The following NFASC variants were observed in gnomAD, a reference collection of about 807,000 sequenced individuals.
The protein encoded by NFASC is neurofascin homolog.
A neutral mutation model predicts 147.5 loss-of-function variants in NFASC; 43 were observed. The ratio of observed to expected loss-of-function variants is 0.29; its 90% CI spans 0.23 to 0.38. The LOEUF is 0.38. Among genes scored for constraint, NFASC ranks in the 10% least tolerant of loss-of-function variants. The probability of loss-of-function intolerance (pLI) is 1.00; values close to 1 mark genes in which losing one functional copy is unlikely to be tolerated. For missense variants in NFASC, 1,320 were observed against 1,689.0 expected (o/e 0.78, Z 3.83); for synonymous variants, 622 against 665.5 (o/e 0.93, Z 1.01).
rs2096366481 is a variant in NFASC, at chr1:205,016,832, C to T, written c.*293C>T. 2.0e-6 allele frequency: 1 copy of T among 489,388 alleles called. No homozygotes were observed. The highest frequency in any genetic ancestry group is 3.1e-5 in the Admixed American group (1 of 31,876). 30.3% of individuals were successfully genotyped at this position (489,388 alleles called of 1,614,324 possible). Reference sequence around the variant, plus strand: ...TCTCGCAGCCACCCCGAGCGTTCCACCACACTGTCCGCCCTTGGCCTCGGC... The same window carrying T: ...TCTCGCAGCCACCCCGAGCGTTCCATCACACTGTCCGCCCTTGGCCTCGGC... On this transcript the variant is annotated 3_prime_UTR_variant, in exon 30 of 30. Coordinates refer to ENST00000339876, the MANE Select transcript of NFASC (RefSeq NM_001005388.3). The surrounding 1 kb of genome is among the most constrained non-coding windows in gnomAD (Gnocchi z 5.1).
chr1:204,910,449 T>C (rs1201387549), intron 1 of NFASC, among the ~76,000 whole-genome samples: 2 of 152,164 alleles, frequency 1.3e-5, no homozygotes, highest in Non-Finnish European at 2.9e-5. Flanking sequence ...GTTTAATTTT[T>C]TTTTAATTTG....
At chr1:204,840,228 C>T (rs1177229203) in intron 1 of NFASC, among the ~76,000 whole-genome samples, 2 of 152,154 alleles carry the variant, frequency 1.3e-5, no homozygotes, top group South Asian at 4.1e-4. Context: ...GGACAAGGCC[C>T]TACGCATGGG....
Position 205,022,171 on chromosome 1 carries a change from T to C in NFASC, c.*5632T>C, listed in dbSNP as rs1425888873. ...CATTACTCTGTTTCTTTTTCAAAAA[T>C]GAGGCAGATCAGATGCCCCTGAGCT... is the stretch of plus-strand genomic sequence containing the variant. On this transcript the variant is annotated 3_prime_UTR_variant, in exon 30 of 30. Transcript: ENST00000339876. 1 of 152,660 alleles carries C rather than the reference T, an allele frequency of 6.6e-6. No homozygotes were observed. Among genetic ancestry groups the C allele is most frequent in the Non-Finnish European group, 1.5e-5 (1 of 68,042 alleles). 9.5% of individuals were successfully genotyped at this position (152,660 alleles called of 1,614,324 possible). A position where few individuals can be genotyped will look rare whatever the true frequency, so the allele number is the denominator to read the frequency against.
chr1:204,884,785 C>T (rs2080980889), intron 1 of NFASC, among the ~76,000 whole-genome samples: 1 of 152,178 alleles, frequency 6.6e-6, no homozygotes, highest in South Asian at 2.1e-4. Context: ...CCATCACCAT[C>T]ACCACGTGAT....
rs111746748 is a variant in NFASC, at chr1:204,954,602, G to C, written c.412+218G>C. On this transcript the variant is annotated intron_variant, in intron 6 of 29. Coordinates refer to ENST00000339876, the MANE Select transcript of NFASC (RefSeq NM_001005388.3). This position sits in a 1 kb window ranked among gnomAD's most constrained non-coding sequence, Gnocchi z 5.7. The stretch of plus-strand genomic sequence containing the variant: ...CTGCAACAATTTCACTGGCCACTGC[G>C]GGCACAGGAGACGGGAAAGGAGGGG... Among the ~76,000 whole-genome samples the C allele has an allele frequency of 1.3e-5, 2 of 152,154 alleles. No individual in the cohort carries two copies. The highest frequency in any genetic ancestry group is 2.9e-5 in the Non-Finnish European group (2 of 68,032).
At chr1:204,866,552 G>A (rs2077125706) in intron 1 of NFASC, among the ~76,000 whole-genome samples, 1 of 152,162 alleles carries the variant, frequency 6.6e-6, no homozygotes, top group South Asian at 2.1e-4. Flanking sequence ...AGCACCCTGG[G>A]GCTGGAAACT....
chr1:204,958,630 G>T (rs939197339), intron 8 of NFASC, among the ~76,000 whole-genome samples: 1 of 152,168 alleles, frequency 6.6e-6, no homozygotes, highest in Non-Finnish European at 1.5e-5. Context: ...GTACACCATG[G>T]ATTTGTAACA....
Position 205,016,328 on chromosome 1 carries a change from T to G in NFASC, c.3512T>G (p.Leu1171Arg). 6.2e-7 allele frequency: 1 copy of G among 1,613,598 alleles called. No homozygotes were observed. Among genetic ancestry groups the G allele is most frequent in the Non-Finnish European group, 8.5e-7 (1 of 1,179,596 alleles). ...GCCAGTGATGAGGACAACAAGCCCC[T>G]GCAGGGCAGTCAGACATCTCTGGAC... is the stretch of plus-strand genomic sequence containing the variant. ...FDYSDEDNKP[L>R]QGSQTSLDGT... Residue 1171 changes from leucine to arginine, a missense_variant, in exon 30 of 30, where the codon CTG becomes CGG. Around this residue, in one of 3 missense-constraint regions of NFASC, gnomAD observed 167 missense variants for 233.8 expected, o/e 0.71. Transcript: ENST00000339876. This position sits in a 1 kb window ranked among gnomAD's most constrained non-coding sequence, Gnocchi z 5.1.
At chr1:204,978,935 T>C in intron 17 of NFASC, 33 bp from the exon 18 acceptor site, 1 of 1,509,340 alleles carries the variant, frequency 6.6e-7, no homozygotes, top group Non-Finnish European at 9.0e-7. Context: ...CTGCTCTAAC[T>C]CAGGAGGCCT....
intron 2 of NFASC, among the ~76,000 whole-genome samples, chr1:204,941,863 T>C (rs1163241158): frequency 2.0e-5 from 3 of 152,100 alleles, no homozygotes; most frequent in Non-Finnish European, 4.4e-5. Flanking sequence ...GTTCCACTAA[T>C]GAGTAGCCTT....
rs180688753 is a variant in NFASC at position 204,868,690 on chromosome 1, C to T, written c.-200+39908C>T. Among the ~76,000 whole-genome samples, 401 of 152,298 alleles carry T rather than the reference C, an allele frequency of 2.6e-3. 3 individuals carry two copies. The highest frequency in any genetic ancestry group is 4.4e-3 in the Non-Finnish European group (296 of 68,022). On this transcript the variant is annotated intron_variant, in intron 1 of 29. Transcript: ENST00000339876. ...GAGAAAAGCCGCAGGAACTGCAAAG[C>T]GATGGCTTCCAACACTGAGCTGAGC...
intron 20 of NFASC, among the ~76,000 whole-genome samples, chr1:204,980,846 C>G (rs1558351830): frequency 6.6e-6 from 1 of 152,120 alleles, no homozygotes; most frequent in Non-Finnish European, 1.5e-5. Context: ...TTTGTGGGAG[C>G]TGGGGAGAGA....
Position 204,980,404 on chromosome 1 carries a change from G to A in NFASC, c.2211G>A (p.Glu737=). 1 of 1,613,732 alleles carries A rather than the reference G, an allele frequency of 6.2e-7. No homozygotes were observed. The highest frequency in any genetic ancestry group is 1.3e-5 in the African/African-American group (1 of 75,052). The change falls in exon 20 of 30, where the codon GAG becomes GAA. Residue 737 remains glutamate (E), a synonymous_variant. Coordinates refer to ENST00000339876, the MANE Select transcript of NFASC (RefSeq NM_001005388.3). ...CCAATCCTGGTGACGTGAAGGGAGA[G>A]GGGACCAGAAAGAACAACATGGAGA... ...PESNPGDVKG[E]GTRKNNMEIT... is the part of the protein sequence containing the mutation.
At chr1:204,942,886 C>T (rs1039037495) in intron 2 of NFASC, among the ~76,000 whole-genome samples, 1 of 152,178 alleles carries the variant, frequency 6.6e-6, no homozygotes, top group African/African-American at 2.4e-5. Flanking sequence ...CAAGGGAAGT[C>T]CCTTGTCCTA....
chr1:204,883,924 C>G (rs116106223), intron 1 of NFASC, among the ~76,000 whole-genome samples: 1 of 152,182 alleles, frequency 6.6e-6, no homozygotes, highest in Non-Finnish European at 1.5e-5. Context: ...TGACACCTAG[C>G]GTGGTGCTCC....
At chr1:204,831,645 A>G (rs1672255980) in intron 1 of NFASC, among the ~76,000 whole-genome samples, 1 of 151,974 alleles carries the variant, frequency 6.6e-6, no homozygotes, top group Non-Finnish European at 1.5e-5. Context: ...AGAAAAAGAA[A>G]TTCTTAGGAA....
At chr1:204,843,780 C>T (rs925540888) in intron 1 of NFASC, among the ~76,000 whole-genome samples, 1 of 151,898 alleles carries the variant, frequency 6.6e-6, no homozygotes, top group African/African-American at 2.4e-5. Context: ...GATCTCGGCT[C>T]ACCTCACTGC....
rs1354563083 is a variant in NFASC at position 204,952,119 on chromosome 1, G to A, written c.215+3G>A. On this transcript the variant is annotated splice_donor_region_variant and intron_variant, in intron 5 of 29. Coordinates refer to ENST00000339876, the MANE Select transcript of NFASC (RefSeq NM_001005388.3). Reference sequence around the variant, plus strand: ...GCAAAAGGGAACCCTGCCCCCAGGTGAGTGAAGGGGAAAAAGAGTGCATTG... The same window carrying A: ...GCAAAAGGGAACCCTGCCCCCAGGTAAGTGAAGGGGAAAAAGAGTGCATTG... 1.2e-6 allele frequency: 2 copies of A among 1,607,726 alleles called. No individual in the cohort carries two copies. Among genetic ancestry groups the A allele is most frequent in the Non-Finnish European group, 1.7e-6 (2 of 1,174,276 alleles).
intron 2 of NFASC, among the ~76,000 whole-genome samples, chr1:204,937,747 G>A (rs2092988831): frequency 6.6e-6 from 1 of 152,208 alleles, no homozygotes; most frequent in Admixed American, 6.5e-5. Context: ...CAACAAAGCT[G>A]TTAAACATCC....
Sources: allele counts gnomAD v4.1 joint callset (sites outside exome capture counted in the v4.1 genomes callset), GRCh38; gene constraint gnomAD v4.1.1; regional missense constraint gnomAD v4.1.1; non-coding constraint Gnocchi (gnomAD v3.1); transcripts MANE v1.5; gene names NCBI Gene and HGNC (gene_info 2026-07-23, HGNC 2026-07-21).